Variants in SRMS observed in about 807,000 individuals in gnomAD.
SRMS encodes src-related kinase lacking C-terminal regulatory tyrosine and N-terminal myristylation sites.
A neutral mutation model predicts 43.5 loss-of-function variants in SRMS; 42 were observed. The ratio of observed to expected loss-of-function variants is 0.97; its 90% CI spans 0.75 to 1.25. The LOEUF (loss-of-function observed/expected upper bound fraction) is 1.25, where lower values mean the gene tolerates loss of function less well. Ranked by LOEUF, SRMS falls within the 50% of genes most tolerant of loss-of-function variation. The probability of loss-of-function intolerance (pLI) is 0.00; values close to 1 mark genes in which losing one functional copy is unlikely to be tolerated. For missense variants in SRMS, 703 were observed against 681.0 expected (o/e 1.03, Z -0.36); for synonymous variants, 316 against 308.2 (o/e 1.03, Z -0.27).
intron 2 of SRMS, 25 bp from the exon 3 acceptor site, chr20:63,543,505 C>A (rs755159796): frequency 2.5e-6 from 4 of 1,607,282 alleles, no homozygotes; most frequent in African/African-American, 1.3e-5. Flanking sequence ...GAGATGGAGA[C>A]CCCTGCCTTG....
In SRMS at chr20:63,543,473, G is replaced by A; in HGVS notation, c.486C>T (p.Ala162=). Residue 162 remains alanine (A), a synonymous_variant, in exon 3 of 8, where the codon GCC becomes GCT. Transcript: ENST00000217188. ...CCCGGTAGTGGCAGACCTTGGCCTG[G>A]GCCCGGACTAGGAAGGGTTCAGAGA... is the stretch of plus-strand genomic sequence containing the variant. ...SLGGYSLSVR[A]QAKVCHYRVS... 1 of 1,612,712 alleles carries A rather than the reference G, an allele frequency of 6.2e-7. No homozygotes were observed.
At position 63,542,425 on chromosome 20, in the gene SRMS, A is replaced by C. The variant is rs755501565; in HGVS notation, c.787+15T>G. The C allele has an allele frequency of 1.2e-6, 2 of 1,607,320 alleles. No individual in the cohort carries two copies. Among genetic ancestry groups the C allele is most frequent in the Non-Finnish European group, 1.7e-6 (2 of 1,176,422 alleles). ...GTGCGGGGCCCGGCCGTGGCGCAGG[A>C]TCTCGGGGCCTCACCTGACTTGATG... On this transcript the variant is annotated intron_variant, in intron 4 of 7. Transcript: ENST00000217188.
rs2082709351 is a variant in SRMS at position 63,542,316 on chromosome 20, T to C, written c.793A>G (p.Met265Val). ...VAIKVIKSAN[M>V]KLTDLAKEIQ... ...TCCTTGGCGAGGTCAGTGAGCTTCA[T>C]GTTGGCTGCGAGAGAGGGTGTGGCT... Residue 265 changes from methionine to valine, a missense_variant, in exon 5 of 8, where the codon ATG (methionine) becomes GTG (valine). Coordinates refer to ENST00000217188, the MANE Select transcript of SRMS (RefSeq NM_080823.4). 7 of 1,608,722 alleles carry C rather than the reference T, an allele frequency of 4.4e-6. No individual in the cohort carries two copies. Among genetic ancestry groups the C allele is most frequent in the Non-Finnish European group, 5.9e-6 (7 of 1,176,608 alleles).
rs1478703124 is a variant in SRMS at position 63,542,077 on chromosome 20, AAACC to A, written c.946+82_946+85del. Reference sequence around the variant, plus strand: ...GGTAGAGAGGCCCGGTTCACCTCGGAAACCCCGCAGGTTCAGCTCTGCGCCAGGA... The same window carrying A: ...GGTAGAGAGGCCCGGTTCACCTCGGACCGCAGGTTCAGCTCTGCGCCAGGA... On this transcript the variant is annotated intron_variant, in intron 5 of 7. Transcript: ENST00000217188. The A allele has an allele frequency of 4.0e-5, 61 of 1,523,468 alleles. No homozygotes were observed. In the African/African-American group the frequency reaches 7.6e-4, roughly 19 times the overall value. The allele number at this position is 1,523,468 out of a possible 1,614,324, so 94.4% of individuals were successfully genotyped here.
intron 1 of SRMS, among the ~76,000 whole-genome samples, chr20:63,546,641 T>TCTCAGCC (rs1212031133): frequency 1.4e-5 from 2 of 145,042 alleles, no homozygotes; most frequent in Non-Finnish European, 3.0e-5. Flanking sequence ...TGGGCCCCTG[T>TCTCAGCC]CTCAGCCCCC....
chr20:63,542,416 T>A, intron 4 of SRMS, 24 bp downstream of exon 4: 2 of 1,603,484 alleles, frequency 1.2e-6, no homozygotes, highest in Non-Finnish European at 1.7e-6. Context: ...GGCCCGGCCG[T>A]GGCGCAGGAT....
chr20:63,546,326 G>A (rs984378883), intron 1 of SRMS, among the ~76,000 whole-genome samples: 3 of 152,152 alleles, frequency 2.0e-5, no homozygotes, highest in African/African-American at 7.2e-5. Context: ...AGTGCCAAAG[G>A]GCCCCCAGGA....
At chr20:63,543,947 C>G (rs113464633) in intron 2 of SRMS, among the ~76,000 whole-genome samples, 3 of 151,496 alleles carry the variant, frequency 2.0e-5, no homozygotes, top group East Asian at 1.9e-4. Context: ...GAGGAATGAA[C>G]GAGTGAATGA....
rs768717201 is a variant in SRMS, at chr20:63,543,445, AG to A, written c.513del (p.Ser172ProfsTer32). 2.0e-5 allele frequency: 33 copies of A among 1,612,812 alleles called. No homozygotes were observed. Among genetic ancestry groups the A allele is most frequent in the Admixed American group, 5.0e-5 (3 of 60,028 alleles). On this transcript the variant is annotated frameshift_variant, in exon 3 of 8. Transcript: ENST00000217188. LOFTEE classifies it high-confidence loss of function. ...TAGAGGCTGCCATCAGCTGCCATGG[AG>A]ACCCGGTAGTGGCAGACCTTGGCCT... ...RAQAKVCHYR[V>X]SMAADGSLYL...
chr20:63,546,701 T>C (rs2082733389), intron 1 of SRMS, among the ~76,000 whole-genome samples: 1 of 149,778 alleles, frequency 6.7e-6, no homozygotes, highest in South Asian at 2.1e-4. Context: ...CTGGAGCTCC[T>C]GTCATCTGGT....
In SRMS at chr20:63,540,866, G is replaced by T. The variant is rs6122130; in HGVS notation, c.1419C>A (p.Phe473Leu). 1.5e-4 allele frequency: 239 copies of T among 1,605,438 alleles called. No individual in the cohort carries two copies. Among genetic ancestry groups the T allele is most frequent in the Non-Finnish European group, 1.3e-4 (152 of 1,178,976 alleles). The part of the protein sequence containing the change: ...WRSSPEERPS[F>L]ATLREKLHAI... ...CGTGCAGCTTCTCCCGCAGCGTGGCGAAGGAGGGCCGTTCCTCGGGGCTGC... is the reference window on the plus strand; with the variant it reads ...CGTGCAGCTTCTCCCGCAGCGTGGCTAAGGAGGGCCGTTCCTCGGGGCTGC... Residue 473 changes from phenylalanine to leucine, a missense_variant, in exon 8 of 8, where the codon TTC becomes TTA. By Grantham distance (22) the Phe-to-Leu change is conservative. Coordinates refer to ENST00000217188, the MANE Select transcript of SRMS (RefSeq NM_080823.4).
In SRMS at chr20:63,542,695, C is replaced by T. The variant is rs1256870253; in HGVS notation, c.646-114G>A. On this transcript the variant is annotated intron_variant, in intron 3 of 7. Transcript: ENST00000217188. The stretch of plus-strand genomic sequence containing the variant: ...CACCCCTGTCCCCAGCACACACTCA[C>T]CCCACCCTGGCTGGGACAAAGGGGA... 5 of 1,309,048 alleles carry T rather than the reference C, an allele frequency of 3.8e-6. No homozygotes were observed. The South Asian group carries it at 6.2e-5, about 16-fold the overall frequency. 81.1% of individuals were successfully genotyped at this position (1,309,048 alleles called of 1,614,324 possible).
At chr20:63,544,473 C>G (rs895042655) in intron 1 of SRMS, 125 bp from the exon 2 acceptor site, 50 of 1,251,012 alleles carry the variant, frequency 4.0e-5, no homozygotes, top group Non-Finnish European at 4.9e-5. Context: ...AGGTCCACCC[C>G]GTGGACTTTG....
chr20:63,540,621 C>G lies in SRMS; in HGVS notation c.*197G>C, dbSNP rs537669694. On this transcript the variant is annotated 3_prime_UTR_variant, in exon 8 of 8. Transcript: ENST00000217188. ...GCCCCAGCCCTCCGTCTGCACGAGTCACACTGCACGGGGGACGTCAGCCCC... is the reference window on the plus strand; with the variant it reads ...GCCCCAGCCCTCCGTCTGCACGAGTGACACTGCACGGGGGACGTCAGCCCC... 1.6e-4 allele frequency among the ~76,000 whole-genome samples: 25 copies of G among 152,334 alleles called. No individual in the cohort carries two copies. Among genetic ancestry groups the G allele is most frequent in the African/African-American group, 6.0e-4 (25 of 41,580 alleles).
At chr20:63,541,995 C>G (rs1377255643) in intron 5 of SRMS, among the ~76,000 whole-genome samples, 168 bp downstream of exon 5, 1 of 152,256 alleles carries the variant, frequency 6.6e-6, no homozygotes, top group Non-Finnish European at 1.5e-5. Context: ...GACGCCAGCC[C>G]CCTGTTGGCT....
chr20:63,543,568 T>A, intron 2 of SRMS, 88 bp from the exon 3 acceptor site: 1 of 1,473,116 alleles, frequency 6.8e-7, no homozygotes, highest in African/African-American at 1.4e-5. Context: ...CACAACCCAC[T>A]AAGGGGTCTG....
At position 63,540,259 on chromosome 20, in the gene SRMS, G is replaced by A. The variant is rs2082695684; in HGVS notation, c.*559C>T. Among the ~76,000 whole-genome samples the A allele has an allele frequency of 6.6e-6, 1 of 152,220 alleles. No individual in the cohort carries two copies. Among genetic ancestry groups the A allele is most frequent in the Non-Finnish European group, 1.5e-5 (1 of 68,030 alleles). On this transcript the variant is annotated 3_prime_UTR_variant, in exon 8 of 8. Transcript: ENST00000217188. ...CCCGTGCCTACATACCACACATCCA[G>A]TGGGGTCAACACCACGGTCTGCCTG...
Position 63,541,244 on chromosome 20 carries a change from G to A in SRMS, c.1232C>T (p.Ser411Phe). The change falls in exon 7 of 8, where the codon TCC (serine) becomes TTC (phenylalanine). Residue 411 changes from serine (S) to phenylalanine (F), a missense_variant. Physicochemically the swap from Ser to Phe is radical, Grantham distance 155 (BLOSUM62 -2). Coordinates refer to ENST00000217188, the MANE Select transcript of SRMS (RefSeq NM_080823.4). ...RVFSQKSDVW[S>F]FGVLLHEVFT... ...AACCTCGTGCAGCAGGACGCCGAAG[G>A]ACCAGACGTCTGACTTCTGGGAGAA... 1.3e-6 allele frequency: 2 copies of A among 1,569,422 alleles called. No individual in the cohort carries two copies. Among genetic ancestry groups the A allele is most frequent in the South Asian group, 1.2e-5 (1 of 85,154 alleles).
Position 63,539,999 on chromosome 20 carries a change from ATGTCCT to A in SRMS, c.*813_*818del, listed in dbSNP as rs2082693874. ...GGGCTCACGCTCTCTGGGCACCATG[ATGTCCT>A]GGGCTGGGGGTCCGGGCGGCATGGG... On this transcript the variant is annotated 3_prime_UTR_variant, in exon 8 of 8. Coordinates refer to ENST00000217188, the MANE Select transcript of SRMS (RefSeq NM_080823.4). Among the ~76,000 whole-genome samples the A allele has an allele frequency of 3.9e-5, 6 of 152,180 alleles. No homozygotes were observed. Among genetic ancestry groups the A allele is most frequent in the African/African-American group, 7.2e-5 (3 of 41,442 alleles).
Sources: gnomAD v4.1 joint callset for allele counts (sites outside exome capture counted in the v4.1 genomes callset) on GRCh38, gnomAD v4.1.1 for gene constraint, MANE v1.5 for transcripts, NCBI Gene and HGNC (gene_info 2026-07-23, HGNC 2026-07-21) for gene names.